ADGRB1: variants seen among roughly 807,000 people sequenced by gnomAD.
ADGRB1 encodes the protein adhesion G protein-coupled receptor B1.
ADGRB1 carries 36 observed loss-of-function variants against 175.7 expected under a neutral mutation model. The observed-to-expected ratio is 0.20, with a 90% CI of 0.16 to 0.27. The LOEUF (loss-of-function observed/expected upper bound fraction) is 0.27. ADGRB1 is among the 10% of genes least tolerant of loss of function. The pLI is 1.00. For missense variants in ADGRB1, 1,731 were observed against 2,255.3 expected (o/e 0.77, Z 4.71); for synonymous variants, 1,054 against 979.4 (o/e 1.08, Z -1.42).
At position 142,543,089 on chromosome 8, in the gene ADGRB1, C is replaced by T. The variant is rs1845379081; in HGVS notation, c.4414-314C>T. Among the ~76,000 whole-genome samples, 1 of 152,168 alleles carries T rather than the reference C, an allele frequency of 6.6e-6. No individual in the cohort carries two copies. Among genetic ancestry groups the T allele is most frequent in the African/African-American group, 2.4e-5 (1 of 41,448 alleles). On this transcript the variant is annotated intron_variant, in intron 28 of 30. Coordinates refer to ENST00000517894, the MANE Select transcript of ADGRB1 (RefSeq NM_001702.3). This position sits in a 1 kb window ranked among gnomAD's most constrained non-coding sequence, Gnocchi z 4.4. ...TGGCTCCTGGCCTCTGGTGATGCTG[C>T]CCTGTGTCCCTGAGTTCTCTGTCGG...
chr8:142,497,423 C>G (rs938302516), intron 17 of ADGRB1, among the ~76,000 whole-genome samples: 1 of 152,034 alleles, frequency 6.6e-6, no homozygotes, highest in Admixed American at 6.5e-5. Context: ...GTCCCCGGGT[C>G]GCTGTCAGCA....
chr8:142,451,921 G>C (rs975095059), intron 1 of ADGRB1, among the ~76,000 whole-genome samples: 77 of 152,280 alleles, frequency 5.1e-4, no homozygotes, highest in African/African-American at 1.5e-3. Context: ...CCCGCACGCC[G>C]GGGTGCCGCC....
At chr8:142,475,412 T>C in intron 2 of ADGRB1, 62 bp from the exon 3 acceptor site, 1 of 1,243,616 alleles carries the variant, frequency 8.0e-7, no homozygotes, top group Non-Finnish European at 1.0e-6. Context: ...CCCCCATGAC[T>C]TACCCGTCCA....
At chr8:142,544,148 T>A (rs970342995) in intron 30 of ADGRB1, 72 bp from the exon 31 acceptor site, 1 of 1,478,664 alleles carries the variant, frequency 6.8e-7, no homozygotes, top group African/African-American at 1.4e-5. Context: ...GTCTGCCTCC[T>A]CCCCCCTACT....
chr8:142,460,059 C>T (rs1839893889), intron 1 of ADGRB1, among the ~76,000 whole-genome samples: 1 of 152,222 alleles, frequency 6.6e-6, no homozygotes, highest in Non-Finnish European at 1.5e-5. Context: ...GCTGCAGTGC[C>T]CGGCTCGGGC....
chr8:142,532,636 CGTCT>C (rs978510805), intron 24 of ADGRB1, among the ~76,000 whole-genome samples: 5 of 152,108 alleles, frequency 3.3e-5, no homozygotes, highest in Non-Finnish European at 5.9e-5. Context: ...TGGCCTTGGC[CGTCT>C]GTCTGTCCTC....
intron 18 of ADGRB1, among the ~76,000 whole-genome samples, chr8:142,517,746 G>C (rs1384397246): frequency 6.6e-6 from 1 of 152,154 alleles, no homozygotes; most frequent in Non-Finnish European, 1.5e-5. Context: ...TCGAAGCCTG[G>C]GCCCAAGAGG....
rs752743965 is a variant in ADGRB1 at position 142,533,386 on chromosome 8, C to G, written c.3490C>G (p.Leu1164Val). ...CGCCGTCACCGACCGCCGCTCCGCC[C>G]TCTTCCAGATCCTCTTCGCTGTCTT... is the stretch of plus-strand genomic sequence containing the variant. ...VLAVTDRRSA[L>V]FQILFAVFDS... is the part of the protein sequence containing the mutation. The change falls in exon 25 of 31, where the codon CTC becomes GTC. Residue 1164 changes from leucine to valine, a missense_variant. Coordinates refer to ENST00000517894, the MANE Select transcript of ADGRB1 (RefSeq NM_001702.3). The G allele has an allele frequency of 5.0e-6, 8 of 1,611,862 alleles. No individual in the cohort carries two copies. Among genetic ancestry groups the G allele is most frequent in the African/African-American group, 1.3e-5 (1 of 74,930 alleles).
rs879759553 is a variant in ADGRB1, at chr8:142,492,570, C to T, written c.2675+1755C>T. ...TGAGCGTCGCAGGGGAAGGAGCAGC[C>T]GGGGCAAAGGCCTCAAGGTGGGATT... is the stretch of plus-strand genomic sequence containing the variant. On this transcript the variant is annotated intron_variant, in intron 17 of 30. Coordinates refer to ENST00000517894, the MANE Select transcript of ADGRB1 (RefSeq NM_001702.3). This position sits in a 1 kb window ranked among gnomAD's most constrained non-coding sequence, Gnocchi z 4.4. 6.6e-6 allele frequency among the ~76,000 whole-genome samples: 1 copy of T among 152,094 alleles called. No homozygotes were observed. The highest frequency in any genetic ancestry group is 1.5e-5 in the Non-Finnish European group (1 of 68,014).
rs372148096 is a variant in ADGRB1, at chr8:142,542,117, C to G, written c.3883C>G (p.Pro1295Ala). Residue 1295 changes from proline (P) to alanine (A), a missense_variant, in exon 28 of 31, where the codon CCC becomes GCC. Coordinates refer to ENST00000517894, the MANE Select transcript of ADGRB1 (RefSeq NM_001702.3). This position sits in a 1 kb window ranked among gnomAD's most constrained non-coding sequence, Gnocchi z 6.3. ...KLHLHGSPRY[P>A]GGPLPDFPNH... ...GCACCTGCACGGCTCACCCCGCTAT[C>G]CCGGCGGGCCCCTGCCCGACTTCCC... 5.8e-5 allele frequency: 94 copies of G among 1,613,398 alleles called. No homozygotes were observed. The highest frequency in any genetic ancestry group is 3.3e-4 in the Middle Eastern group (2 of 6,082).
intron 24 of ADGRB1, among the ~76,000 whole-genome samples, chr8:142,529,961 A>G (rs917492176): frequency 6.9e-6 from 1 of 144,188 alleles, no homozygotes; most frequent in Non-Finnish European, 1.5e-5. Context: ...AGTGCAACCC[A>G]GTGTGCATAC....
At chr8:142,497,313 T>A (rs1842265763) in intron 17 of ADGRB1, among the ~76,000 whole-genome samples, 1 of 152,132 alleles carries the variant, frequency 6.6e-6, no homozygotes, top group African/African-American at 2.4e-5. Context: ...TCCTGGTCCC[T>A]TTAAGAGCCT....
intron 2 of ADGRB1, among the ~76,000 whole-genome samples, chr8:142,469,250 T>C (rs565919482): frequency 7.9e-5 from 12 of 151,656 alleles, no homozygotes; most frequent in African/African-American, 2.9e-4. Flanking sequence ...CACACATGCA[T>C]GTGTGTGAAT....
At position 142,526,623 on chromosome 8, in the gene ADGRB1, G is replaced by A; in HGVS notation, c.3394G>A (p.Ala1132Thr). Residue 1132 changes from alanine to threonine, a missense_variant, in exon 24 of 31, where the codon GCA becomes ACA. By Grantham distance (58) the Ala-to-Thr change is moderately conservative (BLOSUM62 0). This residue lies in a region of ADGRB1 where 301 missense variants were observed against 488.4 expected (regional missense o/e 0.62). Coordinates refer to ENST00000517894, the MANE Select transcript of ADGRB1 (RefSeq NM_001702.3). ...GITDKKLKERAGASLWSSCVV... is the reference protein window; with the variant it reads ...GITDKKLKERTGASLWSSCVV... Reference sequence around the variant, plus strand: ...CACGGACAAGAAGCTGAAGGAGCGGGCAGGGTAGGACCGGGGCTACGCGGC... The same window carrying A: ...CACGGACAAGAAGCTGAAGGAGCGGACAGGGTAGGACCGGGGCTACGCGGC... The A allele has an allele frequency of 1.2e-6, 2 of 1,611,078 alleles. No homozygotes were observed. The highest frequency in any genetic ancestry group is 1.7e-6 in the Non-Finnish European group (2 of 1,178,866).
At chr8:142,525,317 C>T (rs1367879645) in intron 23 of ADGRB1, among the ~76,000 whole-genome samples, 1 of 151,660 alleles carries the variant, frequency 6.6e-6, no homozygotes, top group Non-Finnish European at 1.5e-5. Context: ...ACCCCAGGCA[C>T]CTGGGGATGG....
At chr8:142,461,033 G>A (rs551144352) in intron 1 of ADGRB1, among the ~76,000 whole-genome samples, 25 of 152,324 alleles carry the variant, frequency 1.6e-4, no homozygotes, top group Non-Finnish European at 2.4e-4. Context: ...AATGAGGGGC[G>A]ACCGGTGATA....
Position 142,493,486 on chromosome 8 carries a change from G to A in ADGRB1, c.2675+2671G>A, listed in dbSNP as rs1256740352. ...TCACACCAGGTGTTCCACCCACCCC[G>A]TCACCGGCTGGGTGCGCTGAGTGCT... On this transcript the variant is annotated intron_variant, in intron 17 of 30. Coordinates refer to ENST00000517894, the MANE Select transcript of ADGRB1 (RefSeq NM_001702.3). The surrounding 1 kb of genome is among the most constrained non-coding windows in gnomAD (Gnocchi z 5.0). Among the ~76,000 whole-genome samples, 3 of 152,194 alleles carry A rather than the reference G, an allele frequency of 2.0e-5. No homozygotes were observed. The highest frequency in any genetic ancestry group is 4.4e-5 in the Non-Finnish European group (3 of 68,028).
rs1840998909 is a variant in ADGRB1, at chr8:142,476,730, G to A, written c.1057+35G>A. ...CGGGAGGGGGGTGGGTGGGACTAGG[G>A]CTTTGGGAAAATACTGTAAGTTATC... is the stretch of plus-strand genomic sequence containing the variant. On this transcript the variant is annotated intron_variant, in intron 4 of 30. Transcript: ENST00000517894. 3 of 1,510,322 alleles carry A rather than the reference G, an allele frequency of 2.0e-6. No individual in the cohort carries two copies. The South Asian group carries it at 3.7e-5, about 18-fold the overall frequency. The allele number at this position is 1,510,322 out of a possible 1,614,324, so 93.6% of individuals were successfully genotyped here.
chr8:142,505,391 G>A (rs903806319), intron 17 of ADGRB1, among the ~76,000 whole-genome samples: 1 of 152,190 alleles, frequency 6.6e-6, no homozygotes, highest in Non-Finnish European at 1.5e-5. Context: ...GGGGCTGCCC[G>A]AGCAGGGCTG....
Sources: gnomAD v4.1 joint callset for allele counts (sites outside exome capture counted in the v4.1 genomes callset) on GRCh38, gnomAD v4.1.1 for gene constraint, gnomAD v4.1.1 regional missense constraint, Gnocchi (gnomAD v3.1) non-coding constraint, MANE v1.5 for transcripts, NCBI Gene and HGNC (gene_info 2026-07-23, HGNC 2026-07-21) for gene names.